The following DLGAP1 variants were observed in gnomAD, a reference collection of about 807,000 sequenced individuals.
The protein encoded by DLGAP1 is DLG associated protein 1.
In DLGAP1, 11 loss-of-function variants were observed where a neutral mutation model predicts 90.8. That is an observed-to-expected ratio of 0.12 (90% confidence interval 0.08 to 0.20). The LOEUF is 0.20. DLGAP1 is among the 10% of genes least tolerant of loss of function. DLGAP1 has a pLI of 1.00. For synonymous variants in DLGAP1, 558 were observed against 540.7 expected (o/e 1.03, Z -0.44); for missense variants, 1,050 against 1,333.8 (o/e 0.79, Z 3.31).
At chr18:4,119,861 T>C (rs1245200065) in intron 2 of DLGAP1, among the ~76,000 whole-genome samples, 2 of 152,200 alleles carry the variant, frequency 1.3e-5, no homozygotes, top group Non-Finnish European at 2.9e-5. Flanking sequence ...TGAGACATCA[T>C]TTGGATACAT....
rs8085417 is a variant in DLGAP1, at chr18:3,775,325, C to T, written c.1173-32813G>A. Among the ~76,000 whole-genome samples the T allele has an allele frequency of 6.6e-6, 1 of 152,100 alleles. No homozygotes were observed. Among genetic ancestry groups the T allele is most frequent in the East Asian group, 1.9e-4 (1 of 5,164 alleles). On this transcript the variant is annotated intron_variant, in intron 5 of 12. Transcript: ENST00000315677. The surrounding 1 kb of genome is among the most constrained non-coding windows in gnomAD (Gnocchi z 4.9). ...TCAAATTGTCATCCTCACATGTTGGCGGAAGGGCCTGGTGGGAGGTGACTG... is the reference window on the plus strand; with the variant it reads ...TCAAATTGTCATCCTCACATGTTGGTGGAAGGGCCTGGTGGGAGGTGACTG...
chr18:3,591,368 T>C (rs1396315023), intron 7 of DLGAP1, among the ~76,000 whole-genome samples: 1 of 152,130 alleles, frequency 6.6e-6, no homozygotes, highest in East Asian at 1.9e-4. Flanking sequence ...AAGGTGTCTA[T>C]TTCAGGAAAG....
chr18:3,629,674 A>T (rs1036129399), intron 7 of DLGAP1, among the ~76,000 whole-genome samples: 6 of 151,950 alleles, frequency 3.9e-5, no homozygotes, highest in Non-Finnish European at 5.9e-5. Context: ...TCTGTCTCAA[A>T]AAATAAATAA....
intron 5 of DLGAP1, among the ~76,000 whole-genome samples, chr18:3,784,095 T>C (rs1035542357): frequency 6.6e-6 from 1 of 152,202 alleles, no homozygotes; most frequent in African/African-American, 2.4e-5. Context: ...TTGTCTACAA[T>C]GGAAGTCATT....
intron 9 of DLGAP1, among the ~76,000 whole-genome samples, chr18:3,560,709 T>G (rs996923783): frequency 1.3e-5 from 2 of 151,032 alleles, no homozygotes; most frequent in African/African-American, 5.0e-5. Flanking sequence ...CGGATTAACA[T>G]CTACCATATT....
chr18:4,267,338 A>G (rs531251071), intron 1 of DLGAP1, among the ~76,000 whole-genome samples: 1 of 152,188 alleles, frequency 6.6e-6, no homozygotes, highest in Non-Finnish European at 1.5e-5. Flanking sequence ...ATGGACTATC[A>G]ATGGGAAACT....
chr18:4,292,143 A>C (rs1287645608), intron 1 of DLGAP1, among the ~76,000 whole-genome samples: 1 of 152,180 alleles, frequency 6.6e-6, no homozygotes, highest in African/African-American at 2.4e-5. Context: ...TAATGAACTC[A>C]ATTGTTCAAA....
At chr18:3,602,511 C>T (rs975936978) in intron 7 of DLGAP1, among the ~76,000 whole-genome samples, 10 of 142,680 alleles carry the variant, frequency 7.0e-5, no homozygotes, top group South Asian at 2.3e-4. Flanking sequence ...AGGAGAATGG[C>T]GTGAACCCGG....
At chr18:3,937,013 C>T (rs890728560) in intron 3 of DLGAP1, among the ~76,000 whole-genome samples, 5 of 152,044 alleles carry the variant, frequency 3.3e-5, no homozygotes, top group African/African-American at 4.8e-5. Context: ...TGGAGGAGCA[C>T]GTGGAAAGTG....
chr18:4,365,901 T>C (rs1376825550), intron 1 of DLGAP1, among the ~76,000 whole-genome samples: 1 of 152,144 alleles, frequency 6.6e-6, no homozygotes, highest in South Asian at 2.1e-4. Context: ...GCTCTGTAAA[T>C]AGCTTGGCAA....
At chr18:3,602,459 G>T (rs74681194) in intron 7 of DLGAP1, among the ~76,000 whole-genome samples, 9 of 149,778 alleles carry the variant, frequency 6.0e-5, no homozygotes, top group African/African-American at 2.0e-4. Flanking sequence ...GCCGGGCGTG[G>T]TGGCGGGCGC....
At chr18:3,849,400 G>A (rs1051813815) in intron 4 of DLGAP1, among the ~76,000 whole-genome samples, 1 of 152,104 alleles carries the variant, frequency 6.6e-6, no homozygotes, top group Middle Eastern at 3.2e-3. Flanking sequence ...AATAGGATGA[G>A]TATGAGGGGT....
At chr18:4,310,238 G>T (rs922615258) in intron 1 of DLGAP1, among the ~76,000 whole-genome samples, 1 of 151,600 alleles carries the variant, frequency 6.6e-6, no homozygotes, top group Non-Finnish European at 1.5e-5. Context: ...TTGGGTGTGA[G>T]TTTTTTTTTA....
chr18:4,072,661 G>C (rs767732462), intron 2 of DLGAP1, among the ~76,000 whole-genome samples: 1 of 151,950 alleles, frequency 6.6e-6, no homozygotes, highest in Non-Finnish European at 1.5e-5. Flanking sequence ...GTAGAGCCAG[G>C]GTTTTGCCAT....
chr18:3,532,241 A>G (rs899976819), intron 10 of DLGAP1, among the ~76,000 whole-genome samples: 1 of 152,138 alleles, frequency 6.6e-6, no homozygotes, highest in Non-Finnish European at 1.5e-5. Context: ...TGACGAGTAC[A>G]TGGGGACTCA....
At chr18:4,398,460 T>G (rs1465726490) in intron 1 of DLGAP1, among the ~76,000 whole-genome samples, 1 of 152,232 alleles carries the variant, frequency 6.6e-6, no homozygotes, top group Non-Finnish European at 1.5e-5. Context: ...CAACTGAAAT[T>G]ACACATGCTT....
At chr18:3,749,725 G>C (rs897107899) in intron 5 of DLGAP1, among the ~76,000 whole-genome samples, 3 of 152,050 alleles carry the variant, frequency 2.0e-5, no homozygotes, top group African/African-American at 7.2e-5. Flanking sequence ...CTATCCAGAT[G>C]TTCCACAAGT....
intron 5 of DLGAP1, among the ~76,000 whole-genome samples, chr18:3,794,771 G>A (rs1377336397): frequency 6.6e-6 from 1 of 152,242 alleles, no homozygotes; most frequent in Non-Finnish European, 1.5e-5. Context: ...GGGAGTTACT[G>A]CTCAATCTAT....
At chr18:4,279,919 C>A (rs1598799535) in intron 1 of DLGAP1, among the ~76,000 whole-genome samples, 1 of 151,996 alleles carries the variant, frequency 6.6e-6, no homozygotes, top group South Asian at 2.1e-4. Context: ...TGTTTTTGAA[C>A]CAAAAATCTG....
Sources: gnomAD v4.1 joint callset for allele counts (sites outside exome capture counted in the v4.1 genomes callset) on GRCh38, gnomAD v4.1.1 for gene constraint, Gnocchi (gnomAD v3.1) non-coding constraint, MANE v1.5 for transcripts, NCBI Gene and HGNC (gene_info 2026-07-23, HGNC 2026-07-21) for gene names.